Variants in ARHGAP26 observed in about 807,000 individuals in gnomAD.
ARHGAP26 encodes Rho GTPase activating protein 26.
A neutral mutation model predicts 104.8 loss-of-function variants in ARHGAP26; 38 were observed. That is an observed-to-expected ratio of 0.36 (90% CI 0.28 to 0.48). The LOEUF is 0.48. ARHGAP26 is among the 20% of genes least tolerant of loss of function. The pLI, the probability that ARHGAP26 is intolerant of heterozygous loss-of-function variation, is 0.99. For missense variants in ARHGAP26, 704 were observed against 947.9 expected, an observed-to-expected ratio of 0.74 and a Z score of 3.38; for synonymous variants, 341 against 340.0, an observed-to-expected ratio of 1.00 and a Z score of -0.03.
At chr5:142,793,252 CTTT>C (rs56941301) in intron 1 of ARHGAP26, among the ~76,000 whole-genome samples, 6 of 107,168 alleles carry the variant, frequency 5.6e-5, no homozygotes, top group Non-Finnish European at 9.1e-5. Context: ...TATCCCTTTG[CTTT>C]TTTTTTTTTT....
At chr5:143,216,569 C>A in intron 22 of ARHGAP26, 2 of 317,968 alleles carry the variant, frequency 6.3e-6, no homozygotes, top group Non-Finnish European at 1.3e-5. Context: ...TGTAACTGCT[C>A]CCACATACAA....
chr5:143,177,683 A>G (rs1466909719), intron 20 of ARHGAP26, among the ~76,000 whole-genome samples: 4 of 152,166 alleles, frequency 2.6e-5, no homozygotes, highest in African/African-American at 9.7e-5. Context: ...GCCACTTGAA[A>G]CAGTTTGCAG....
chr5:143,208,749 T>C (rs918899944), intron 21 of ARHGAP26, among the ~76,000 whole-genome samples: 3 of 152,214 alleles, frequency 2.0e-5, no homozygotes, highest in African/African-American at 7.2e-5. Flanking sequence ...CCTGACTTGC[T>C]CTTTTAGGTT....
intron 11 of ARHGAP26, among the ~76,000 whole-genome samples, chr5:142,999,186 A>G (rs1428933128): frequency 6.6e-6 from 1 of 152,194 alleles, no homozygotes; most frequent in African/African-American, 2.4e-5. Flanking sequence ...ACAGTAAGGC[A>G]GTGACTGATT....
chr5:142,873,409 C>T lies in ARHGAP26; in HGVS notation c.164C>T (p.Ser55Leu). Residue 55 changes from serine to leucine, a missense_variant, in exon 2 of 23, where the codon TCA becomes TTA. By Grantham distance (145) the Ser-to-Leu change is moderately radical (BLOSUM62 -2). Around this residue, in one of 6 missense-constraint regions of ARHGAP26, gnomAD observed 77 missense variants for 82.6 expected, o/e 0.93. Coordinates refer to ENST00000645722, the MANE Select transcript of ARHGAP26 (RefSeq NM_001135608.3). Reference protein sequence around the residue: ...SLISALKNLSSAKRKFADSLN... With the variant: ...SLISALKNLSLAKRKFADSLN... ...GTCTTTTTCTTGCTAGATTTGTCTT[C>T]AGCGAAGCGGAAGTTTGCAGATTCC... 1 of 1,591,428 alleles carries T rather than the reference C, an allele frequency of 6.3e-7. No homozygotes were observed. The highest frequency in any genetic ancestry group is 8.5e-7 in the Non-Finnish European group (1 of 1,174,212).
intron 17 of ARHGAP26, among the ~76,000 whole-genome samples, chr5:143,104,027 G>GA (rs542871562): frequency 0.053 from 7,157 of 134,400 alleles, 570 homozygotes; most frequent in African/African-American, 0.18. Flanking sequence ...TAGACCTAGA[G>GA]AAAAAAAAAA....
intron 20 of ARHGAP26, among the ~76,000 whole-genome samples, chr5:143,189,438 C>T (rs892311703): frequency 1.3e-5 from 2 of 152,166 alleles, no homozygotes; most frequent in Non-Finnish European, 2.9e-5. Context: ...CCCTCCCCAC[C>T]CAGGCACCTG....
intron 9 of ARHGAP26, among the ~76,000 whole-genome samples, chr5:142,910,900 G>A (rs2152477580): frequency 6.6e-6 from 1 of 152,266 alleles, no homozygotes; most frequent in East Asian, 1.9e-4. Context: ...AGGAGCTAGA[G>A]GTAGATAGAA....
At chr5:142,923,182 T>G (rs1016903168) in intron 10 of ARHGAP26, among the ~76,000 whole-genome samples, 2 of 152,090 alleles carry the variant, frequency 1.3e-5, no homozygotes, top group African/African-American at 4.8e-5. Flanking sequence ...TGGACTTGAT[T>G]GGGAGGGTGA....
At chr5:142,925,459 A>G (rs559075235) in intron 10 of ARHGAP26, among the ~76,000 whole-genome samples, 1 of 152,330 alleles carries the variant, frequency 6.6e-6, no homozygotes, top group South Asian at 2.1e-4. Flanking sequence ...CTGTAATCTC[A>G]TAAACAGACA....
At chr5:142,849,797 C>G (rs1751162686) in intron 1 of ARHGAP26, among the ~76,000 whole-genome samples, 1 of 152,162 alleles carries the variant, frequency 6.6e-6, no homozygotes, top group Admixed American at 6.5e-5. Context: ...TTTCTGTCCT[C>G]TTTCCTCCAG....
intron 11 of ARHGAP26, among the ~76,000 whole-genome samples, chr5:142,941,091 AAAAAAAAAAG>A (rs1180976384): frequency 6.7e-6 from 1 of 150,326 alleles, no homozygotes; most frequent in Admixed American, 6.6e-5. Context: ...AAAAAAAAAA[AAAAAAAAAAG>A]AATCTATATT....
chr5:143,002,083 T>A (rs568801570), intron 11 of ARHGAP26, among the ~76,000 whole-genome samples: 22 of 152,194 alleles, frequency 1.4e-4, no homozygotes, highest in Non-Finnish European at 2.8e-4. Context: ...TTTGAGTTTG[T>A]CTGACTGCAT....
At chr5:143,169,826 CTT>C (rs1802527104) in intron 20 of ARHGAP26, 1 of 152,192 alleles carries the variant, frequency 6.6e-6, no homozygotes, top group African/African-American at 2.4e-5. Flanking sequence ...GATTTGGTGA[CTT>C]TACACTCCAG....
chr5:142,891,048 G>A (rs894626643), intron 5 of ARHGAP26, among the ~76,000 whole-genome samples: 2 of 151,410 alleles, frequency 1.3e-5, no homozygotes, highest in African/African-American at 4.9e-5. Context: ...CAGGCAGAGA[G>A]AAGCTTTGAG....
At chr5:142,901,895 A>G (rs1343158780) in intron 6 of ARHGAP26, 40 bp from the exon 7 acceptor site, 2 of 1,560,132 alleles carry the variant, frequency 1.3e-6, no homozygotes, top group Non-Finnish European at 8.8e-7. Flanking sequence ...CCTCTTTTCA[A>G]CCTGGTTATG....
intron 17 of ARHGAP26, among the ~76,000 whole-genome samples, chr5:143,069,789 T>C (rs1787988738): frequency 6.6e-6 from 1 of 152,216 alleles, no homozygotes. Flanking sequence ...ATCTTGTAAG[T>C]GCCTCAATAG....
intron 1 of ARHGAP26, among the ~76,000 whole-genome samples, chr5:142,843,286 G>A (rs1204492395): frequency 6.6e-6 from 1 of 152,214 alleles, no homozygotes. Flanking sequence ...GGCAAAGAGT[G>A]TGATCACTCC....
chr5:143,188,633 T>C (rs780507871), intron 20 of ARHGAP26, among the ~76,000 whole-genome samples: 12 of 152,138 alleles, frequency 7.9e-5, no homozygotes, highest in Non-Finnish European at 1.6e-4. Flanking sequence ...GGGATGACAT[T>C]GTGGAAAGTT....
Sources: gnomAD v4.1 joint callset for allele counts (sites outside exome capture counted in the v4.1 genomes callset) on GRCh38, gnomAD v4.1.1 for gene constraint, gnomAD v4.1.1 regional missense constraint, MANE v1.5 for transcripts, NCBI Gene and HGNC (gene_info 2026-07-23, HGNC 2026-07-21) for gene names.